CACNA1D: variants seen among roughly 807,000 people sequenced by gnomAD.
The protein encoded by CACNA1D is calcium voltage-gated channel subunit alpha1 D, also known as voltage-dependent L-type calcium channel subunit alpha-1D.
In CACNA1D, 55 loss-of-function variants were observed where a neutral mutation model predicts 257.1. The ratio of observed to expected loss-of-function variants is 0.21; its 90% CI spans 0.17 to 0.27. The LOEUF is 0.27. Ranked by LOEUF, CACNA1D falls within the 10% of genes least tolerant of loss-of-function variation. The pLI is 1.00. For synonymous variants in CACNA1D, 980 were observed against 1,014.9 expected (o/e 0.97, Z 0.65); for missense variants, 1,876 against 2,784.0 (o/e 0.67, Z 7.34).
chr3:53,712,357 C>T (rs973671772), intron 9 of CACNA1D, among the ~76,000 whole-genome samples: 3 of 152,228 alleles, frequency 2.0e-5, no homozygotes, highest in Non-Finnish European at 4.4e-5. Context: ...CATATGGATG[C>T]TGGGCTGCCC....
intron 45 of CACNA1D, among the ~76,000 whole-genome samples, chr3:53,805,690 T>C (rs77258592): frequency 0.21 from 31,081 of 150,894 alleles, 5,967 homozygotes; most frequent in African/African-American, 0.52. Context: ...TCATCTCTGC[T>C]CCTCCTCCCT....
At chr3:53,623,649 A>T (rs942150834) in intron 3 of CACNA1D, among the ~76,000 whole-genome samples, 3 of 152,228 alleles carry the variant, frequency 2.0e-5, no homozygotes, top group African/African-American at 7.2e-5. Context: ...TATCTTCTTT[A>T]AAATTCCATT....
At chr3:53,718,475 GC>G (rs1256833091) in intron 10 of CACNA1D, 87 bp downstream of exon 10, 2 of 1,267,202 alleles carry the variant, frequency 1.6e-6, no homozygotes, top group East Asian at 2.4e-5. Context: ...CTGCAGCAGA[GC>G]CCCGGGCCAT....
chr3:53,654,437 C>T (rs888617614), intron 4 of CACNA1D, among the ~76,000 whole-genome samples: 1 of 152,044 alleles, frequency 6.6e-6, no homozygotes, highest in East Asian at 1.9e-4. Flanking sequence ...GGGAAATAGC[C>T]ATATGGTCTT....
intron 39 of CACNA1D, chr3:53,786,570 T>G (rs955191140): frequency 4.0e-6 from 2 of 498,074 alleles, no homozygotes; most frequent in Non-Finnish European, 7.3e-6. Flanking sequence ...TCATAACAAA[T>G]ATATTATTTT....
At chr3:53,726,670 G>T (rs1225197342) in intron 14 of CACNA1D, among the ~76,000 whole-genome samples, 4 of 136,652 alleles carry the variant, frequency 2.9e-5, no homozygotes, top group South Asian at 4.7e-4. Context: ...TAATAATAAG[G>T]TTATTTTTTT....
At chr3:53,628,554 A>C (rs1281487444) in intron 3 of CACNA1D, among the ~76,000 whole-genome samples, 1 of 152,230 alleles carries the variant, frequency 6.6e-6, no homozygotes, top group African/African-American at 2.4e-5. Context: ...ACTTTGGTTA[A>C]ATACAGAGTA....
At chr3:53,605,102 A>G (rs1296903315) in intron 3 of CACNA1D, among the ~76,000 whole-genome samples, 1 of 152,204 alleles carries the variant, frequency 6.6e-6, no homozygotes, top group Non-Finnish European at 1.5e-5. Flanking sequence ...AATAAATTCA[A>G]TAGGTTATTC....
intron 3 of CACNA1D, among the ~76,000 whole-genome samples, chr3:53,534,146 A>G (rs2092039941): frequency 6.6e-6 from 1 of 152,156 alleles, no homozygotes; most frequent in East Asian, 1.9e-4. Flanking sequence ...ACTTGAGCTC[A>G]CAAAGAAAGT....
At chr3:53,606,129 T>G (rs1484591663) in intron 3 of CACNA1D, among the ~76,000 whole-genome samples, 1 of 152,250 alleles carries the variant, frequency 6.6e-6, no homozygotes, top group African/African-American at 2.4e-5. Context: ...AGGAACAAAG[T>G]GCTGAAATCA....
chr3:53,589,987 T>C (rs1003257748), intron 3 of CACNA1D, among the ~76,000 whole-genome samples: 1 of 152,168 alleles, frequency 6.6e-6, no homozygotes, highest in African/African-American at 2.4e-5. Context: ...CAGGGCCTGT[T>C]TTCCCTGCAG....
At chr3:53,675,939 C>T (rs966632035) in intron 8 of CACNA1D, among the ~76,000 whole-genome samples, 3 of 152,278 alleles carry the variant, frequency 2.0e-5, no homozygotes, top group African/African-American at 2.4e-5. Context: ...AGAAGGCCTC[C>T]GGTAGGGCTG....
chr3:53,702,915 C>A, intron 9 of CACNA1D, 105 bp downstream of exon 9: 1 of 1,233,346 alleles, frequency 8.1e-7, no homozygotes, highest in Non-Finnish European at 1.2e-6. Flanking sequence ...AGTGGGACAG[C>A]CTCCTCCCAG....
At chr3:53,731,207 C>A in intron 17 of CACNA1D, 61 bp downstream of exon 17, 1 of 1,042,294 alleles carries the variant, frequency 9.6e-7, no homozygotes. Flanking sequence ...GATCTCCATA[C>A]ATGTACCATT....
At chr3:53,726,733 C>A in intron 14 of CACNA1D, 146 bp from the exon 15 acceptor site, 1 of 882,072 alleles carries the variant, frequency 1.1e-6, no homozygotes. Context: ...TTTAGAAATT[C>A]CATGGGATAA....
At position 53,751,766 on chromosome 3, in the gene CACNA1D, C is replaced by T. The variant is rs148248303; in HGVS notation, c.3534C>T (p.Tyr1178=). Residue 1178 remains tyrosine, a synonymous_variant, in exon 28 of 48, where the codon TAC becomes TAT. Transcript: ENST00000350061. The surrounding 1 kb of genome is among the most constrained non-coding windows in gnomAD (Gnocchi z 4.3). Reference sequence around the variant, plus strand: ...TGTTGCAGCGTCAGTGTGTTGAATACGCCTTGAAAGCACGTCCCTTGCGGA... The same window carrying T: ...TGTTGCAGCGTCAGTGTGTTGAATATGCCTTGAAAGCACGTCCCTTGCGGA... ...LDKNQRQCVE[Y]ALKARPLRRY... is the part of the protein sequence containing the mutation. 4 of 1,614,178 alleles carry T rather than the reference C, an allele frequency of 2.5e-6. No individual in the cohort carries two copies. Among genetic ancestry groups the T allele is most frequent in the East Asian group, 2.2e-5 (1 of 44,878 alleles).
chr3:53,498,592 C>T (rs2090448333), intron 2 of CACNA1D, among the ~76,000 whole-genome samples: 1 of 152,158 alleles, frequency 6.6e-6, no homozygotes, highest in East Asian at 1.9e-4. Flanking sequence ...TAGGAATTCC[C>T]TCCACCAGGC....
chr3:53,613,378 A>G (rs368247423), intron 3 of CACNA1D, among the ~76,000 whole-genome samples: 3 of 152,102 alleles, frequency 2.0e-5, no homozygotes, highest in East Asian at 3.9e-4. Flanking sequence ...CTTCTCAGTA[A>G]TGATAGTTGT....
chr3:53,695,371 C>A (rs1232726487), intron 8 of CACNA1D, among the ~76,000 whole-genome samples: 3 of 152,198 alleles, frequency 2.0e-5, no homozygotes, highest in African/African-American at 7.2e-5. Flanking sequence ...CCCCGAGACC[C>A]TCAGCAGGCA....
Sources: gnomAD v4.1 joint callset for allele counts (sites outside exome capture counted in the v4.1 genomes callset) on GRCh38, gnomAD v4.1.1 for gene constraint, Gnocchi (gnomAD v3.1) non-coding constraint, MANE v1.5 for transcripts, NCBI Gene and HGNC (gene_info 2026-07-23, HGNC 2026-07-21) for gene names.